UMODL1: variants seen among roughly 807,000 people sequenced by gnomAD.
UMODL1 encodes the protein uromodulin like 1, also known as uromodulin-like 1.
In UMODL1, 128 loss-of-function variants were observed where a neutral mutation model predicts 136.3. The ratio of observed to expected loss-of-function variants is 0.94; its 90% confidence interval spans 0.81 to 1.09. The LOEUF is 1.09. Ranked by LOEUF, UMODL1 falls within the 50% of genes least tolerant of loss-of-function variation. The pLI is 0.00. For synonymous variants in UMODL1, 721 were observed against 720.0 expected, an observed-to-expected ratio of 1.00 and a Z score of -0.02; for missense variants, 1,766 against 1,725.6, an observed-to-expected ratio of 1.02 and a Z score of -0.41.
chr21:42,086,025 C>T (rs2066422827), intron 4 of UMODL1, among the ~76,000 whole-genome samples: 1 of 152,212 alleles, frequency 6.6e-6, no homozygotes, highest in African/African-American at 2.4e-5. Flanking sequence ...GCTTTCTGGC[C>T]CATCAGCAGT....
Position 42,115,956 on chromosome 21 carries a change from C to T in UMODL1, c.2446C>T (p.Arg816Ter), listed in dbSNP as rs758810217. Reference protein sequence around the residue: ...SFRNASSQEYRDFLELFFRMV... With the variant: ...SFRNASSQEY ...TCGCAACGCAAGCAGCCAGGAGTATCGAGATTTCCTAGAACTATTCTTCAG... is the reference window on the plus strand; with the variant it reads ...TCGCAACGCAAGCAGCCAGGAGTATTGAGATTTCCTAGAACTATTCTTCAG... The change falls in exon 14 of 23, where the codon CGA (arginine) becomes TGA (stop). Residue 816 changes from arginine (R) to a stop codon, truncating the protein, a stop_gained. Coordinates refer to ENST00000408910, the MANE Select transcript of UMODL1 (RefSeq NM_001004416.3). LOFTEE classifies it high-confidence loss of function. 12 of 1,613,566 alleles carry T rather than the reference C, an allele frequency of 7.4e-6. No homozygotes were observed. The highest frequency in any genetic ancestry group is 5.0e-5 in the Admixed American group (3 of 59,976).
chr21:42,088,741 C>T (rs1158199128), intron 5 of UMODL1, among the ~76,000 whole-genome samples: 1 of 151,866 alleles, frequency 6.6e-6, no homozygotes, highest in South Asian at 2.1e-4. Flanking sequence ...TCTCCTCTTC[C>T]CTCCATCTCT....
chr21:42,102,140 C>T (rs202088756), intron 7 of UMODL1, 26 bp from the exon 8 acceptor site: 10 of 1,558,302 alleles, frequency 6.4e-6, no homozygotes, highest in Non-Finnish European at 8.8e-6. Flanking sequence ...TGACCACAGG[C>T]TAATTTGTTT....
intron 2 of UMODL1, among the ~76,000 whole-genome samples, chr21:42,079,933 CGGA>C: frequency 6.6e-6 from 1 of 152,296 alleles, no homozygotes; most frequent in East Asian, 1.9e-4. Flanking sequence ...ACTGAGGACA[CGGA>C]GTTCTTTCTC....
intron 22 of UMODL1, 101 bp from the exon 23 acceptor site, chr21:42,141,995 G>A (rs769474024): frequency 1.3e-5 from 2 of 152,370 alleles, no homozygotes; most frequent in East Asian, 1.9e-4. Context: ...CCATGTCCTC[G>A]GGTTGGTGTT....
upstream of UMODL1, among the ~76,000 whole-genome samples, chr21:42,070,724 G>A (rs2066222277): frequency 6.6e-6 from 1 of 152,214 alleles, no homozygotes; most frequent in Non-Finnish European, 1.5e-5. Flanking sequence ...CCCACTTTAA[G>A]TCATAATAGG....
At chr21:42,114,571 A>G (rs1218027301) in intron 13 of UMODL1, among the ~76,000 whole-genome samples, 1 of 151,462 alleles carries the variant, frequency 6.6e-6, no homozygotes, top group Non-Finnish European at 1.5e-5. Flanking sequence ...GGCAGCATTG[A>G]TAGCAGTGGT....
chr21:42,102,212 G>A lies in UMODL1; in HGVS notation c.1233G>A (p.Leu411=), dbSNP rs772386324. The A allele has an allele frequency of 1.2e-6, 2 of 1,613,716 alleles. No individual in the cohort carries two copies. The highest frequency in any genetic ancestry group is 2.2e-5 in the South Asian group (2 of 91,038). Reference sequence around the variant, plus strand: ...CAATAAAGATTGTAAACCACAACCTGACGGAGAAGTTACTCAACCGCAGCA... The same window carrying A: ...CAATAAAGATTGTAAACCACAACCTAACGGAGAAGTTACTCAACCGCAGCA... ...EVTIKIVNHN[L]TEKLLNRSSV... Residue 411 remains leucine (L), a synonymous_variant, in exon 8 of 23, where the codon CTG becomes CTA. Coordinates refer to ENST00000408910, the MANE Select transcript of UMODL1 (RefSeq NM_001004416.3).
chr21:42,075,244 G>C (rs574489994), intron 1 of UMODL1, among the ~76,000 whole-genome samples: 9 of 143,306 alleles, frequency 6.3e-5, no homozygotes, highest in South Asian at 2.3e-4. Flanking sequence ...CTGGAGATGG[G>C]GGGGGGGTTT....
At chr21:42,108,147 A>G (rs1328816779) in intron 9 of UMODL1, 4 of 393,140 alleles carry the variant, frequency 1.0e-5, no homozygotes, top group Middle Eastern at 1.8e-3. Flanking sequence ...AGGAGTGAAG[A>G]TTAGGTGAAT....
In UMODL1 at chr21:42,098,991, C is replaced by T. The variant is rs748819262; in HGVS notation, c.997C>T (p.Arg333Cys). 30 of 1,614,072 alleles carry T rather than the reference C, an allele frequency of 1.9e-5. No homozygotes were observed. Among genetic ancestry groups the T allele is most frequent in the Non-Finnish European group, 2.3e-5 (27 of 1,180,040 alleles). Residue 333 changes from arginine (R) to cysteine (C), a missense_variant, in exon 7 of 23, where the codon CGT becomes TGT. Transcript: ENST00000408910. ...CAGTGACAGTTTTCAAGTATCCTGG[C>T]GTTTAAATTCTACACAGAACCACAC... ...VTSDSFQVSWRLNSTQNHTFH... is the reference protein window; with the variant it reads ...VTSDSFQVSWCLNSTQNHTFH...
At chr21:42,066,161 T>A (rs1257145909) in intron 1 of UMODL1, among the ~76,000 whole-genome samples, 2 of 152,250 alleles carry the variant, frequency 1.3e-5, no homozygotes, top group Non-Finnish European at 2.9e-5. Flanking sequence ...AAGTGCCCTA[T>A]GCCCTTAAAA....
chr21:42,090,234 G>A, intron 5 of UMODL1, 64 bp from the exon 6 acceptor site: 1 of 1,605,628 alleles, frequency 6.2e-7, no homozygotes, highest in South Asian at 1.1e-5. Context: ...TGTGTGTGCA[G>A]GTAGATGAAG....
At chr21:42,136,719 C>CTT (rs1555935130) in intron 21 of UMODL1, among the ~76,000 whole-genome samples, 58 of 130,322 alleles carry the variant, frequency 4.5e-4, no homozygotes, top group African/African-American at 1.5e-3. Context: ...CTCTGTTTTT[C>CTT]TTTTTTTTTG....
At chr21:42,089,523 G>A (rs2066465409) in intron 5 of UMODL1, among the ~76,000 whole-genome samples, 1 of 152,230 alleles carries the variant, frequency 6.6e-6, no homozygotes, top group Non-Finnish European at 1.5e-5. Context: ...CCCACACCAT[G>A]GAGAACCATG....
rs371725393 is a variant in UMODL1, at chr21:42,119,353, C to T, written c.2689+29C>T. 303 of 1,591,588 alleles carry T rather than the reference C, an allele frequency of 1.9e-4. 2 individuals are homozygous for T. The highest frequency in any genetic ancestry group is 1.3e-3 in the South Asian group (120 of 89,878). Reference sequence around the variant, plus strand: ...CGAGAGGCTGGGATGGAGCCTCTCCCGTGTTCTGGAACCAGAGGCAGCCAG... The same window carrying T: ...CGAGAGGCTGGGATGGAGCCTCTCCTGTGTTCTGGAACCAGAGGCAGCCAG... On this transcript the variant is annotated intron_variant, in intron 15 of 22. Coordinates refer to ENST00000408910, the MANE Select transcript of UMODL1 (RefSeq NM_001004416.3).
At chr21:42,118,421 G>A (rs1287638170) in intron 14 of UMODL1, among the ~76,000 whole-genome samples, 1 of 152,216 alleles carries the variant, frequency 6.6e-6, no homozygotes, top group Non-Finnish European at 1.5e-5. Context: ...TTTGCACTGA[G>A]GATGATTGAA....
At chr21:42,088,600 A>G (rs2066455429) in intron 5 of UMODL1, 120 bp downstream of exon 5, 2 of 1,041,640 alleles carry the variant, frequency 1.9e-6, no homozygotes, top group African/African-American at 3.2e-5. Context: ...GTTTAAGTTC[A>G]GGAGCAAAAG....
intron 5 of UMODL1, among the ~76,000 whole-genome samples, chr21:42,089,135 T>A (rs1232877323): frequency 1.3e-5 from 2 of 152,142 alleles, no homozygotes; most frequent in Non-Finnish European, 2.9e-5. Flanking sequence ...AGCCCTGCTG[T>A]TGTAGTAGTC....
Sources: gnomAD v4.1 joint callset for allele counts (sites outside exome capture counted in the v4.1 genomes callset) on GRCh38, gnomAD v4.1.1 for gene constraint, MANE v1.5 for transcripts, NCBI Gene and HGNC (gene_info 2026-07-23, HGNC 2026-07-21) for gene names.